Variants in KCNIP4 observed in about 807,000 individuals in gnomAD.
The protein encoded by KCNIP4 is potassium voltage-gated channel interacting protein 4, also known as Kv channel-interacting protein 4.
A neutral mutation model predicts 34.0 loss-of-function variants in KCNIP4; 12 were observed. That is an observed-to-expected ratio of 0.35 (90% CI 0.23 to 0.57). KCNIP4 has a LOEUF of 0.57. Ranked by LOEUF, KCNIP4 falls within the 20% of genes least tolerant of loss-of-function variation. The pLI is 0.83. For synonymous variants in KCNIP4, 124 were observed against 102.2 expected, an observed-to-expected ratio of 1.21 and a Z score of -1.29; for missense variants, 238 against 311.7, an observed-to-expected ratio of 0.76 and a Z score of 1.78.
At chr4:21,931,261 C>G (rs777346234) in intron 1 of KCNIP4, among the ~76,000 whole-genome samples, 1 of 150,638 alleles carries the variant, frequency 6.6e-6, no homozygotes, top group African/African-American at 2.4e-5. Context: ...GAAAACTATC[C>G]TTTTCTTTGT....
At chr4:21,763,825 C>T (rs1398192035) in intron 1 of KCNIP4, among the ~76,000 whole-genome samples, 1 of 152,038 alleles carries the variant, frequency 6.6e-6, no homozygotes, top group Non-Finnish European at 1.5e-5. Context: ...GCAAGAAAAA[C>T]AATCACTGAT....
intron 1 of KCNIP4, among the ~76,000 whole-genome samples, chr4:21,130,094 T>G (rs980078804): frequency 6.6e-6 from 1 of 152,036 alleles, no homozygotes; most frequent in African/African-American, 2.4e-5. Flanking sequence ...ATTCCCTGAT[T>G]TTTTACTGTT....
chr4:20,991,377 G>T (rs1737069045), intron 1 of KCNIP4, among the ~76,000 whole-genome samples: 1 of 152,226 alleles, frequency 6.6e-6, no homozygotes, highest in Admixed American at 6.5e-5. Context: ...GAGGGAAGGA[G>T]CTCGGGATAG....
chr4:20,958,968 C>CAA (rs1175070101), intron 1 of KCNIP4, among the ~76,000 whole-genome samples: 1 of 152,160 alleles, frequency 6.6e-6, no homozygotes, highest in Non-Finnish European at 1.5e-5. Flanking sequence ...AGATGTCAAG[C>CAA]AAAATTGAAA....
At chr4:21,773,857 G>C (rs1216454743) in intron 1 of KCNIP4, among the ~76,000 whole-genome samples, 2 of 151,478 alleles carry the variant, frequency 1.3e-5, no homozygotes, top group African/African-American at 4.9e-5. Context: ...TGGGTCTCCT[G>C]AATACAGTGC....
intron 3 of KCNIP4, among the ~76,000 whole-genome samples, chr4:20,842,581 C>CAAA (rs59134256): frequency 2.3e-4 from 16 of 69,688 alleles, no homozygotes; most frequent in African/African-American, 3.5e-4. Flanking sequence ...CTTCTAATGG[C>CAAA]AAAAAAAAAA....
intron 1 of KCNIP4, among the ~76,000 whole-genome samples, chr4:21,394,965 C>T (rs907522635): frequency 3.3e-5 from 5 of 151,512 alleles, no homozygotes; most frequent in African/African-American, 1.2e-4. Flanking sequence ...AAGCACTGGG[C>T]TCACAAAGAC....
intron 1 of KCNIP4, among the ~76,000 whole-genome samples, chr4:21,158,471 T>A (rs1006833055): frequency 2.0e-5 from 3 of 152,184 alleles, no homozygotes; most frequent in Non-Finnish European, 4.4e-5. Flanking sequence ...GTGGGGCTTA[T>A]CTCAGGAATG....
intron 1 of KCNIP4, among the ~76,000 whole-genome samples, chr4:20,895,108 T>C (rs1006330533): frequency 1.3e-5 from 2 of 152,216 alleles, no homozygotes; most frequent in African/African-American, 4.8e-5. Flanking sequence ...TTCTGACTTC[T>C]GTACTGCACT....
intron 3 of KCNIP4, among the ~76,000 whole-genome samples, chr4:20,848,380 G>A (rs992193630): frequency 2.2e-4 from 33 of 151,170 alleles, no homozygotes; most frequent in Admixed American, 1.3e-4. Flanking sequence ...GCAAGGAGGA[G>A]TGAAGAAATA....
intron 1 of KCNIP4, among the ~76,000 whole-genome samples, chr4:21,778,668 T>G (rs554094267): frequency 5.9e-5 from 9 of 152,310 alleles, no homozygotes; most frequent in Non-Finnish European, 1.0e-4. Flanking sequence ...GAAGCACATT[T>G]TATATAAATC....
chr4:20,883,008 GTTTTTTTT>G (rs5856586), intron 1 of KCNIP4, among the ~76,000 whole-genome samples: 1 of 112,426 alleles, frequency 8.9e-6, no homozygotes. Context: ...AAATCTGGTG[GTTTTTTTT>G]TTTTTTTTTT....
intron 1 of KCNIP4, among the ~76,000 whole-genome samples, chr4:21,273,742 C>A (rs1762285893): frequency 6.6e-6 from 1 of 152,174 alleles, no homozygotes; most frequent in Non-Finnish European, 1.5e-5. Flanking sequence ...TTTTCTCTTA[C>A]TATACCCAAA....
intron 1 of KCNIP4, among the ~76,000 whole-genome samples, chr4:21,410,030 C>T (rs1198512268): frequency 1.3e-5 from 2 of 152,068 alleles, no homozygotes; most frequent in African/African-American, 2.4e-5. Flanking sequence ...ACAATTTGTA[C>T]CAATTGCAGT....
intron 1 of KCNIP4, among the ~76,000 whole-genome samples, chr4:20,905,534 TGGA>T (rs1727666006): frequency 6.8e-6 from 1 of 146,968 alleles, no homozygotes; most frequent in African/African-American, 2.5e-5. Context: ...TTGTTTGAGA[TGGA>T]GTCTTGCTCT....
intron 1 of KCNIP4, among the ~76,000 whole-genome samples, chr4:21,575,549 T>G (rs1230987869): frequency 6.6e-6 from 1 of 152,134 alleles, no homozygotes; most frequent in African/African-American, 2.4e-5. Context: ...CTCCTCTTCC[T>G]TTTCTTTCTT....
chr4:21,519,770 T>C (rs1735335746), intron 1 of KCNIP4, among the ~76,000 whole-genome samples: 1 of 142,110 alleles, frequency 7.0e-6, no homozygotes, highest in African/African-American at 2.6e-5. Context: ...TATGTGTGTA[T>C]ACACACGTGT....
intron 1 of KCNIP4, among the ~76,000 whole-genome samples, chr4:20,910,854 A>C (rs1005576711): frequency 6.6e-6 from 1 of 152,248 alleles, no homozygotes. Flanking sequence ...TGCCCCTTTG[A>C]GTGTGACACA....
At chr4:21,891,625 T>C (rs908195997) in intron 1 of KCNIP4, among the ~76,000 whole-genome samples, 2 of 152,106 alleles carry the variant, frequency 1.3e-5, no homozygotes, top group Non-Finnish European at 2.9e-5. Flanking sequence ...CAATGATCAG[T>C]TAACATCAAC....
Sources: allele counts gnomAD v4.1 joint callset (sites outside exome capture counted in the v4.1 genomes callset), GRCh38; gene constraint gnomAD v4.1.1; transcripts MANE v1.5; gene names NCBI Gene and HGNC (gene_info 2026-07-23, HGNC 2026-07-21).